The following SGCZ variants were observed in gnomAD, a reference collection of about 807,000 sequenced individuals.
SGCZ encodes sarcoglycan zeta.
In SGCZ, 40 loss-of-function variants were observed where a neutral mutation model predicts 41.3. The ratio of observed to expected loss-of-function variants is 0.97; its 90% CI spans 0.75 to 1.26. The LOEUF (loss-of-function observed/expected upper bound fraction) is 1.26. SGCZ is among the 50% of genes most tolerant of loss of function. SGCZ has a pLI of 0.00. For missense variants in SGCZ, 552 were observed against 369.8 expected (o/e 1.49, Z -4.04); for synonymous variants, 206 against 137.5 (o/e 1.50, Z -3.49).
intron 1 of SGCZ, among the ~76,000 whole-genome samples, chr8:15,096,626 T>C (rs900820178): frequency 2.6e-5 from 4 of 152,176 alleles, no homozygotes; most frequent in African/African-American, 7.2e-5. Context: ...TAAAAACGAA[T>C]GAAATATTTT....
At chr8:15,178,221 AT>A (rs201821004) in intron 1 of SGCZ, among the ~76,000 whole-genome samples, 6 of 150,386 alleles carry the variant, frequency 4.0e-5, no homozygotes, top group Admixed American at 6.6e-5. Flanking sequence ...TTCTTTGAGA[AT>A]TTTTTTTTTA....
chr8:14,308,501 A>G lies in SGCZ; in HGVS notation c.336+15602T>C, dbSNP rs925997668. ...CAGGGTTCAAGCTTCAATGCAGGGT[A>G]CCAAGGGCATTGCAAACTCGTGCCA... On this transcript the variant is annotated intron_variant, in intron 3 of 7. Transcript: ENST00000382080. 3.3e-5 allele frequency among the ~76,000 whole-genome samples: 5 copies of G among 152,132 alleles called. No individual in the cohort carries two copies. The East Asian group carries it at 9.7e-4, about 29-fold the overall frequency.
At chr8:14,712,153 C>T (rs941207441) in intron 1 of SGCZ, among the ~76,000 whole-genome samples, 1 of 152,114 alleles carries the variant, frequency 6.6e-6, no homozygotes, top group Non-Finnish European at 1.5e-5. Flanking sequence ...CACAACTAAC[C>T]CCTAACTAGA....
At position 14,702,813 on chromosome 8, in the gene SGCZ, GTAGATAGATAGATAGATAGATAGATAGA is replaced by G. The variant is rs71209077; in HGVS notation, c.40-147915_40-147888del. ...GACAGGCAGACAGGTAGGTAGTTAG[GTAGATAGATAGATAGATAGATAGATAGA>G]TAGATAGATAGATAGATAGATAGAT... is the stretch of plus-strand genomic sequence containing the variant. On this transcript the variant is annotated intron_variant, in intron 1 of 7. Coordinates refer to ENST00000382080, the MANE Select transcript of SGCZ (RefSeq NM_139167.4). 5.3e-3 allele frequency among the ~76,000 whole-genome samples: 609 copies of G among 115,374 alleles called. 4 individuals carry two copies. Among genetic ancestry groups the G allele is most frequent in the African/African-American group, 0.011 (355 of 31,202 alleles). 75.7% of individuals were successfully genotyped at this position (115,374 alleles called of 152,430 possible).
At chr8:14,655,136 T>C (rs967520384) in intron 1 of SGCZ, among the ~76,000 whole-genome samples, 12 of 152,144 alleles carry the variant, frequency 7.9e-5, no homozygotes, top group Admixed American at 7.9e-4. Flanking sequence ...AGCAAATGAA[T>C]ACCTACTATA....
intron 2 of SGCZ, among the ~76,000 whole-genome samples, chr8:14,364,725 T>C (rs1249203706): frequency 6.6e-6 from 1 of 152,154 alleles, no homozygotes; most frequent in Non-Finnish European, 1.5e-5. Flanking sequence ...TTCTCATTGG[T>C]TTGCATAAGT....
At chr8:14,651,927 A>C (rs1179857577) in intron 1 of SGCZ, among the ~76,000 whole-genome samples, 1 of 151,910 alleles carries the variant, frequency 6.6e-6, no homozygotes, top group Non-Finnish European at 1.5e-5. Context: ...TCTTTGTGCT[A>C]AGAATGGGAA....
At chr8:14,359,089 G>T (rs79963277) in intron 2 of SGCZ, among the ~76,000 whole-genome samples, 5,268 of 151,684 alleles carry the variant, frequency 0.035, 234 homozygotes, top group African/African-American at 0.11. Flanking sequence ...GATATCTATT[G>T]GTAATTATAA....
intron 1 of SGCZ, among the ~76,000 whole-genome samples, chr8:15,157,275 G>A (rs965097204): frequency 6.6e-6 from 1 of 152,030 alleles, no homozygotes; most frequent in Non-Finnish European, 1.5e-5. Context: ...GCTCATGCCT[G>A]TGATCCCAGC....
At chr8:15,039,124 C>T (rs992705508) in intron 1 of SGCZ, among the ~76,000 whole-genome samples, 3 of 151,998 alleles carry the variant, frequency 2.0e-5, no homozygotes, top group African/African-American at 2.4e-5. Flanking sequence ...AACTCACTAC[C>T]GGTATATAGC....
At chr8:14,593,187 G>A in intron 1 of SGCZ, among the ~76,000 whole-genome samples, 1 of 152,246 alleles carries the variant, frequency 6.6e-6, no homozygotes, top group South Asian at 2.1e-4. Flanking sequence ...TAGATATCTT[G>A]ATAGAGTTTA....
At chr8:15,234,815 A>C (rs142048275) in intron 1 of SGCZ, among the ~76,000 whole-genome samples, 2 of 152,312 alleles carry the variant, frequency 1.3e-5, no homozygotes, top group African/African-American at 4.8e-5. Context: ...ATCCCAAATA[A>C]AGATAAATTA....
chr8:14,892,131 T>C (rs1241620803), intron 1 of SGCZ, among the ~76,000 whole-genome samples: 1 of 152,188 alleles, frequency 6.6e-6, no homozygotes, highest in Non-Finnish European at 1.5e-5. Flanking sequence ...TACATCATTT[T>C]ACATTATGGC....
chr8:15,211,710 A>G (rs914230032), intron 1 of SGCZ, among the ~76,000 whole-genome samples: 3 of 152,116 alleles, frequency 2.0e-5, no homozygotes, highest in African/African-American at 7.2e-5. Flanking sequence ...GACTGGTTCT[A>G]GTAATTATTT....
At chr8:14,962,930 G>T (rs1319013817) in intron 1 of SGCZ, among the ~76,000 whole-genome samples, 1 of 152,174 alleles carries the variant, frequency 6.6e-6, no homozygotes, top group East Asian at 1.9e-4. Context: ...ACTGGCAACA[G>T]GGGATTAGCC....
chr8:14,692,353 A>G lies in SGCZ; in HGVS notation c.40-137427T>C, dbSNP rs192854514. Among the ~76,000 whole-genome samples the G allele has an allele frequency of 1.4e-4, 21 of 152,256 alleles. No homozygotes were observed. In the East Asian group the frequency reaches 4.1e-3, roughly 29 times the overall value. On this transcript the variant is annotated intron_variant, in intron 1 of 7. Transcript: ENST00000382080. ...ATGAAAAGGGTGATTTACTATTATC[A>G]TAAGTGATAAGGTGGCCCCATTAAG...
At chr8:14,487,371 T>TA (rs980898052) in intron 2 of SGCZ, among the ~76,000 whole-genome samples, 1 of 152,178 alleles carries the variant, frequency 6.6e-6, no homozygotes, top group Non-Finnish European at 1.5e-5. Flanking sequence ...AGGAATATAA[T>TA]ATATTATGAG....
At chr8:14,434,077 G>C (rs10099187) in intron 2 of SGCZ, among the ~76,000 whole-genome samples, 53,869 of 152,012 alleles carry the variant, frequency 0.35, 10,643 homozygotes, top group African/African-American at 0.54. Context: ...CCGATGTTAT[G>C]TTATAGAATT....
At chr8:14,776,281 G>T (rs777146498) in intron 1 of SGCZ, among the ~76,000 whole-genome samples, 3 of 152,014 alleles carry the variant, frequency 2.0e-5, no homozygotes, top group African/African-American at 4.8e-5. Flanking sequence ...CATGGGGGTG[G>T]TTTCCCCATA....
Sources: allele counts gnomAD v4.1 joint callset (sites outside exome capture counted in the v4.1 genomes callset), GRCh38; gene constraint gnomAD v4.1.1; transcripts MANE v1.5; gene names NCBI Gene and HGNC (gene_info 2026-07-23, HGNC 2026-07-21).